Variants in ADAMTS3 observed in about 807,000 individuals in gnomAD.
The protein encoded by ADAMTS3 is A disintegrin and metalloproteinase with thrombospondin motifs 3.
Under a neutral mutation model 129.0 loss-of-function variants are expected in ADAMTS3, and 73 were observed. The observed-to-expected ratio is 0.57, with a 90% confidence interval of 0.47 to 0.69. The LOEUF (loss-of-function observed/expected upper bound fraction) is 0.69, where lower values mean the gene tolerates loss of function less well. Among genes scored for constraint, ADAMTS3 ranks in the 30% least tolerant of loss-of-function variants. The pLI is 0.00. For synonymous variants in ADAMTS3, 477 were observed against 510.8 expected, an observed-to-expected ratio of 0.93 and a Z score of 0.89; for missense variants, 1,457 against 1,514.5, an observed-to-expected ratio of 0.96 and a Z score of 0.63.
In ADAMTS3 at chr4:72,333,848, C is replaced by CTTTTTTTTT. The variant is rs6148516; in HGVS notation, c.861+5637_861+5645dup. ...TTGTTGTTGTTTGTTTGTTTGCTTG[C>CTTTTTTTTT]TTTTTTTTTTTTTTTTTTTGAGACG... On this transcript the variant is annotated intron_variant, in intron 5 of 21. Transcript: ENST00000286657. 5.0e-4 allele frequency among the ~76,000 whole-genome samples: 50 copies of CTTTTTTTTT among 99,456 alleles called. 2 individuals are homozygous for CTTTTTTTTT. The highest frequency in any genetic ancestry group is 1.3e-3 in the African/African-American group (32 of 25,526). The allele number at this position is 99,456 out of a possible 152,430, so 65.2% of individuals were successfully genotyped here. A position where few individuals can be genotyped will look rare whatever the true frequency, so the allele number is the denominator to read the frequency against.
At chr4:72,399,266 CA>C (rs1204946033) in intron 4 of ADAMTS3, among the ~76,000 whole-genome samples, 1 of 151,794 alleles carries the variant, frequency 6.6e-6, no homozygotes, top group Non-Finnish European at 1.5e-5. Flanking sequence ...CTCATCTCTA[CA>C]AAAAAAGTAA....
intron 4 of ADAMTS3, among the ~76,000 whole-genome samples, chr4:72,401,062 T>C (rs1721901471): frequency 6.6e-6 from 1 of 151,300 alleles, no homozygotes; most frequent in South Asian, 2.1e-4. Context: ...TAAAATTCAA[T>C]AAAAATAAAA....
chr4:72,471,775 C>T (rs547474442), intron 3 of ADAMTS3, among the ~76,000 whole-genome samples: 4 of 152,102 alleles, frequency 2.6e-5, no homozygotes, highest in South Asian at 2.1e-4. Context: ...ATTATAACTA[C>T]TGTAAAAATT....
rs1719040704 is a variant in ADAMTS3, at chr4:72,304,744, A to G, written c.2261-664T>C. On this transcript the variant is annotated intron_variant, in intron 16 of 21. Coordinates refer to ENST00000286657, the MANE Select transcript of ADAMTS3 (RefSeq NM_014243.3). ...TAATGAATGGGATTTTAAATTTTAG[A>G]TTTGTTTATCAGCATATAATGTTAC... Among the ~76,000 whole-genome samples the G allele has an allele frequency of 1.3e-5, 2 of 151,990 alleles. 1 individual carries two copies. The highest frequency in any genetic ancestry group is 4.1e-4 in the South Asian group (2 of 4,826).
At chr4:72,385,203 G>T (rs1721415357) in intron 4 of ADAMTS3, among the ~76,000 whole-genome samples, 1 of 151,370 alleles carries the variant, frequency 6.6e-6, no homozygotes, top group Admixed American at 6.6e-5. Context: ...AAAGAAAAGG[G>T]GGTCAGTCAA....
At chr4:72,532,529 T>TTA (rs1721071266) in intron 3 of ADAMTS3, among the ~76,000 whole-genome samples, 1 of 150,812 alleles carries the variant, frequency 6.6e-6, no homozygotes, top group Non-Finnish European at 1.5e-5. Flanking sequence ...ACGTATAACT[T>TTA]TATATATATC....
chr4:72,342,296 G>C (rs926146183), intron 4 of ADAMTS3, among the ~76,000 whole-genome samples: 9 of 151,736 alleles, frequency 5.9e-5, no homozygotes, highest in Admixed American at 2.6e-4. Context: ...TAAGACACAG[G>C]CATAATAAAA....
At chr4:72,330,485 A>C (rs1194697148) in intron 5 of ADAMTS3, 1 of 152,188 alleles carries the variant, frequency 6.6e-6, no homozygotes, top group African/African-American at 2.4e-5. Context: ...ATTTTATCCC[A>C]GTTACAGACT....
intron 2 of ADAMTS3, among the ~76,000 whole-genome samples, chr4:72,561,872 A>G (rs1354873468): frequency 6.6e-6 from 1 of 152,226 alleles, no homozygotes; most frequent in Admixed American, 6.5e-5. Context: ...CATAAACAAG[A>G]GACTGACATT....
chr4:72,428,419 T>A (rs1479189967), intron 3 of ADAMTS3, among the ~76,000 whole-genome samples: 1 of 152,054 alleles, frequency 6.6e-6, no homozygotes, highest in Admixed American at 6.6e-5. Context: ...ATGATGAGGT[T>A]TATTAGGATG....
chr4:72,360,770 T>C (rs1407959610), intron 4 of ADAMTS3, among the ~76,000 whole-genome samples: 1 of 152,144 alleles, frequency 6.6e-6, no homozygotes, highest in African/African-American at 2.4e-5. Flanking sequence ...TCTTTCAAAA[T>C]ATATCTTAAA....
chr4:72,496,582 A>G (rs148987966), intron 3 of ADAMTS3, among the ~76,000 whole-genome samples: 113 of 152,218 alleles, frequency 7.4e-4, no homozygotes, highest in African/African-American at 2.5e-3. Context: ...TATGACCACT[A>G]TGGAGCTTAG....
chr4:72,435,889 C>T (rs2109953907), intron 3 of ADAMTS3, among the ~76,000 whole-genome samples: 1 of 152,134 alleles, frequency 6.6e-6, no homozygotes, highest in East Asian at 1.9e-4. Flanking sequence ...AGACCTAAAA[C>T]CATAAAAACC....
intron 3 of ADAMTS3, among the ~76,000 whole-genome samples, chr4:72,416,306 G>A (rs1722304732): frequency 6.6e-6 from 1 of 151,404 alleles, no homozygotes; most frequent in South Asian, 2.1e-4. Flanking sequence ...TCTACACCTG[G>A]GTATAGTATT....
At chr4:72,366,772 A>T (rs1215914829) in intron 4 of ADAMTS3, among the ~76,000 whole-genome samples, 1 of 151,506 alleles carries the variant, frequency 6.6e-6, no homozygotes. Context: ...TAGTGTCCCA[A>T]GCTTTTTTTT....
chr4:72,373,432 A>C (rs1234521662), intron 4 of ADAMTS3, among the ~76,000 whole-genome samples: 1 of 152,208 alleles, frequency 6.6e-6, no homozygotes, highest in African/African-American at 2.4e-5. Context: ...ACACTTATAC[A>C]ATGGATTACT....
At chr4:72,464,771 A>C (rs2109987447) in intron 3 of ADAMTS3, among the ~76,000 whole-genome samples, 1 of 152,206 alleles carries the variant, frequency 6.6e-6, no homozygotes, top group Non-Finnish European at 1.5e-5. Context: ...AATGGACCAA[A>C]ATTCTATGAG....
chr4:72,325,872 A>G (rs2109814803), intron 5 of ADAMTS3, among the ~76,000 whole-genome samples: 1 of 152,300 alleles, frequency 6.6e-6, no homozygotes, highest in South Asian at 2.1e-4. Context: ...TTAGTATAAA[A>G]TGCACATATA....
intron 4 of ADAMTS3, among the ~76,000 whole-genome samples, chr4:72,351,180 T>C (rs1720425232): frequency 2.0e-5 from 3 of 152,024 alleles, no homozygotes; most frequent in Admixed American, 2.0e-4. Context: ...ATTTTGTCCA[T>C]TTCTGGTTGT....
Sources: allele counts gnomAD v4.1 joint callset (sites outside exome capture counted in the v4.1 genomes callset), GRCh38; gene constraint gnomAD v4.1.1; transcripts MANE v1.5; gene names NCBI Gene and HGNC (gene_info 2026-07-23, HGNC 2026-07-21).